Variants in CSMD3 observed in about 807,000 individuals in gnomAD.
CSMD3 encodes the protein CUB and Sushi multiple domains 3, also known as CUB and sushi domain-containing protein 3.
A neutral mutation model predicts 435.2 loss-of-function variants in CSMD3; 177 were observed. The observed-to-expected ratio is 0.41, with a 90% CI of 0.36 to 0.46. The LOEUF (loss-of-function observed/expected upper bound fraction) is 0.46, where lower values mean the gene tolerates loss of function less well. Ranked by LOEUF, CSMD3 falls within the 20% of genes least tolerant of loss-of-function variation. The pLI is 0.34. For missense variants in CSMD3, 4,265 were observed against 4,504.6 expected (o/e 0.95, Z 1.52); for synonymous variants, 1,656 against 1,520.5 (o/e 1.09, Z -2.07).
chr8:112,235,550 G>T (rs539170238), intron 67 of CSMD3, among the ~76,000 whole-genome samples: 1 of 151,166 alleles, frequency 6.6e-6, no homozygotes, highest in African/African-American at 2.4e-5. Context: ...TTTTTACATG[G>T]TAAGTGTTCT....
At chr8:113,022,305 G>T (rs1008095831) in intron 5 of CSMD3, among the ~76,000 whole-genome samples, 3 of 152,048 alleles carry the variant, frequency 2.0e-5, no homozygotes, top group South Asian at 2.1e-4. Flanking sequence ...GCAAATTCTA[G>T]CATAAAGTCA....
intron 13 of CSMD3, among the ~76,000 whole-genome samples, chr8:112,777,218 G>A (rs968522544): frequency 2.0e-5 from 3 of 151,762 alleles, no homozygotes; most frequent in Non-Finnish European, 2.9e-5. Flanking sequence ...TTTCATTTAA[G>A]TAAAAGCAAT....
At chr8:112,456,717 T>C (rs1264279474) in intron 32 of CSMD3, among the ~76,000 whole-genome samples, 1 of 152,028 alleles carries the variant, frequency 6.6e-6, no homozygotes, top group Non-Finnish European at 1.5e-5. Context: ...AAAGAATAAA[T>C]AACTTACATG....
intron 18 of CSMD3, among the ~76,000 whole-genome samples, chr8:112,651,171 A>AT (rs1435555811): frequency 6.6e-6 from 1 of 152,120 alleles, no homozygotes. Context: ...ACAAGTAATT[A>AT]TTTTTTTCTT....
intron 13 of CSMD3, among the ~76,000 whole-genome samples, chr8:112,779,067 T>C (rs2078315370): frequency 6.6e-6 from 1 of 151,938 alleles, no homozygotes; most frequent in Non-Finnish European, 1.5e-5. Context: ...TTTTGTATTT[T>C]GGATAGCAGT....
At position 113,334,822 on chromosome 8, in the gene CSMD3, G is replaced by T. The variant is rs2094058637; in HGVS notation, c.179-20029C>A. Among the ~76,000 whole-genome samples the T allele has an allele frequency of 3.3e-5, 5 of 151,966 alleles. 1 individual carries two copies. Among genetic ancestry groups the T allele is most frequent in the Admixed American group, 3.3e-4 (5 of 15,224 alleles). On this transcript the variant is annotated intron_variant, in intron 1 of 70. Coordinates refer to ENST00000297405, the MANE Select transcript of CSMD3 (RefSeq NM_198123.2). ...TTCTTTTAAGGAATCGGTGCATTTT[G>T]TCTTAAGTTGTCCAATTGATGTGTA...
At chr8:113,430,867 T>C (rs532911251) in intron 1 of CSMD3, among the ~76,000 whole-genome samples, 1 of 152,260 alleles carries the variant, frequency 6.6e-6, no homozygotes, top group African/African-American at 2.4e-5. Context: ...ATAGAAAATA[T>C]TAATCATTAG....
chr8:112,814,834 G>A (rs2079328735), intron 12 of CSMD3, among the ~76,000 whole-genome samples: 1 of 151,856 alleles, frequency 6.6e-6, no homozygotes, highest in Non-Finnish European at 1.5e-5. Context: ...CTATTTTGGG[G>A]TGAAATTTCC....
At chr8:112,691,019 A>T (rs2076124734) in intron 13 of CSMD3, among the ~76,000 whole-genome samples, 1 of 152,104 alleles carries the variant, frequency 6.6e-6, no homozygotes, top group Non-Finnish European at 1.5e-5. Context: ...TTTTTTCAAG[A>T]TGTATAATTC....
intron 22 of CSMD3, among the ~76,000 whole-genome samples, chr8:112,613,938 C>T (rs1016990056): frequency 1.3e-5 from 2 of 152,008 alleles, no homozygotes; most frequent in African/African-American, 4.8e-5. Flanking sequence ...ACCTGTGCAA[C>T]AAAGCAAAAC....
rs1586836686 is a variant in CSMD3 at position 112,347,244 on chromosome 8, T to A, written c.6326-1031A>T. On this transcript the variant is annotated intron_variant, in intron 40 of 70. Coordinates refer to ENST00000297405, the MANE Select transcript of CSMD3 (RefSeq NM_198123.2). ...TTTAAATATAATTAGATAGAACCCT[T>A]GAGCATATATGAAAGGCAATTGCAT... 5.9e-5 allele frequency among the ~76,000 whole-genome samples: 9 copies of A among 152,292 alleles called. No homozygotes were observed. The East Asian group carries it at 1.7e-3, about 29-fold the overall frequency.
At chr8:112,833,042 A>G (rs986560770) in intron 11 of CSMD3, among the ~76,000 whole-genome samples, 1 of 152,076 alleles carries the variant, frequency 6.6e-6, no homozygotes, top group Non-Finnish European at 1.5e-5. Flanking sequence ...AACTACCACA[A>G]ATTGGCTTAT....
intron 22 of CSMD3, among the ~76,000 whole-genome samples, chr8:112,599,279 C>T (rs1198892389): frequency 6.6e-6 from 1 of 151,488 alleles, no homozygotes; most frequent in Non-Finnish European, 1.5e-5. Flanking sequence ...TGCTCATCAC[C>T]ACTGGCCATC....
chr8:113,277,965 C>G (rs1307363802), intron 3 of CSMD3, among the ~76,000 whole-genome samples: 1 of 151,828 alleles, frequency 6.6e-6, no homozygotes, highest in African/African-American at 2.4e-5. Flanking sequence ...CGATATTTTC[C>G]TAGTGATATG....
At chr8:112,495,536 C>T (rs564259484) in intron 30 of CSMD3, among the ~76,000 whole-genome samples, 3 of 152,292 alleles carry the variant, frequency 2.0e-5, no homozygotes, top group Admixed American at 6.5e-5. Flanking sequence ...ATTATGTTTA[C>T]ATACTGCTTT....
At chr8:113,194,273 A>G (rs2092625179) in intron 3 of CSMD3, among the ~76,000 whole-genome samples, 1 of 151,290 alleles carries the variant, frequency 6.6e-6, no homozygotes, top group South Asian at 2.1e-4. Flanking sequence ...ATAATATGTA[A>G]CTAAATGTAG....
In CSMD3 at chr8:112,666,288, A is replaced by C; in HGVS notation, c.2805T>G (p.Ile935Met). Residue 935 changes from isoleucine (I) to methionine (M), a missense_variant, in exon 17 of 71, where the codon ATT becomes ATG. Ile to Met is a conservative substitution (Grantham distance 10). Transcript: ENST00000297405. ...IEAEPGHSIK[I>M]TFERFQTELN... ...AATATTTGTGAGACCTTTCAAATGT[A>C]ATTTTGATAGAGTGTCCAGGTTCAG... 1 of 1,610,888 alleles carries C rather than the reference A, an allele frequency of 6.2e-7. No homozygotes were observed. Among genetic ancestry groups the C allele is most frequent in the East Asian group, 2.2e-5 (1 of 44,818 alleles).
chr8:112,641,514 TC>T (rs1158186191), intron 20 of CSMD3, among the ~76,000 whole-genome samples: 1 of 151,978 alleles, frequency 6.6e-6, no homozygotes, highest in Non-Finnish European at 1.5e-5. Context: ...GTCAAAGGGG[TC>T]CGTAGAGGGG....
At chr8:112,748,959 G>A (rs1167104521) in intron 13 of CSMD3, among the ~76,000 whole-genome samples, 1 of 151,988 alleles carries the variant, frequency 6.6e-6, no homozygotes, top group Admixed American at 6.6e-5. Context: ...TCCCATCAAC[G>A]GTGTATAAGG....
Sources: allele counts gnomAD v4.1 joint callset (sites outside exome capture counted in the v4.1 genomes callset), GRCh38; gene constraint gnomAD v4.1.1; transcripts MANE v1.5; gene names NCBI Gene and HGNC (gene_info 2026-07-23, HGNC 2026-07-21).